Variants in ANO4 observed in about 807,000 individuals in gnomAD.
ANO4 encodes anoctamin 4, also known as anoctamin-4.
Under a neutral mutation model 141.9 loss-of-function variants are expected in ANO4, and 69 were observed. That is an observed-to-expected ratio of 0.49 (90% CI 0.40 to 0.59). The LOEUF (loss-of-function observed/expected upper bound fraction) is 0.59. Among genes scored for constraint, ANO4 ranks in the 20% least tolerant of loss-of-function variants. ANO4 has a pLI of 0.00. For synonymous variants in ANO4, 350 were observed against 394.3 expected (o/e 0.89, Z 1.33); for missense variants, 894 against 1,162.2 (o/e 0.77, Z 3.36).
chr12:101,123,686 T>C (rs956377022), intron 26 of ANO4, among the ~76,000 whole-genome samples: 1 of 152,234 alleles, frequency 6.6e-6, no homozygotes, highest in African/African-American at 2.4e-5. Context: ...TTTCATGGTG[T>C]ATATGTACCA....
chr12:100,935,694 G>A (rs1043805834), intron 3 of ANO4, among the ~76,000 whole-genome samples: 3 of 152,164 alleles, frequency 2.0e-5, no homozygotes, highest in African/African-American at 7.2e-5. Flanking sequence ...GCCATGCCTG[G>A]GCTCTCCAGT....
At chr12:100,726,129 A>T (rs1171440584) in intron 1 of ANO4, among the ~76,000 whole-genome samples, 1 of 152,110 alleles carries the variant, frequency 6.6e-6, no homozygotes, top group Non-Finnish European at 1.5e-5. Context: ...TTGGAGATGG[A>T]CTTCTCCTCA....
chr12:101,124,175 TGG>T (rs2051211464), intron 26 of ANO4, among the ~76,000 whole-genome samples: 1 of 152,222 alleles, frequency 6.6e-6, no homozygotes, highest in South Asian at 2.1e-4. Flanking sequence ...TGGTGTAAGA[TGG>T]TATCTCATTG....
chr12:100,719,035 G>C (rs1243723019), intron 1 of ANO4, among the ~76,000 whole-genome samples: 2 of 152,018 alleles, frequency 1.3e-5, no homozygotes, highest in African/African-American at 4.8e-5. Flanking sequence ...TGAGCACCCA[G>C]GTGGAGAAAA....
At chr12:100,808,740 A>C (rs552663090) in intron 1 of ANO4, among the ~76,000 whole-genome samples, 2 of 152,212 alleles carry the variant, frequency 1.3e-5, no homozygotes, top group Non-Finnish European at 2.9e-5. Context: ...CCTGGGGAAA[A>C]ATATTGAAAC....
intron 25 of ANO4, among the ~76,000 whole-genome samples, chr12:101,118,741 A>G (rs2050956170): frequency 6.6e-6 from 1 of 152,036 alleles, no homozygotes; most frequent in South Asian, 2.1e-4. Context: ...TTTATACTTT[A>G]AGTTCTAGAG....
intron 3 of ANO4, among the ~76,000 whole-genome samples, chr12:100,780,001 A>G (rs1394961404): frequency 1.3e-5 from 2 of 152,112 alleles, no homozygotes; most frequent in Non-Finnish European, 2.9e-5. Flanking sequence ...AAAGCTTTTA[A>G]CTTACAAACT....
chr12:100,722,153 C>G (rs1442349113), intron 1 of ANO4, among the ~76,000 whole-genome samples: 1 of 152,204 alleles, frequency 6.6e-6, no homozygotes, highest in African/African-American at 2.4e-5. Context: ...CCAGTATACT[C>G]TCAATCACCA....
At chr12:100,843,022 A>G (rs868500965) in intron 1 of ANO4, among the ~76,000 whole-genome samples, 2 of 152,176 alleles carry the variant, frequency 1.3e-5, no homozygotes, top group Non-Finnish European at 2.9e-5. Context: ...TCACACCAGC[A>G]TCACCTTCCA....
At chr12:100,735,888 A>G (rs1164757215) in intron 2 of ANO4, among the ~76,000 whole-genome samples, 1 of 152,204 alleles carries the variant, frequency 6.6e-6, no homozygotes, top group Non-Finnish European at 1.5e-5. Context: ...AGATATTGGC[A>G]CTATCTGCAC....
chr12:100,717,593 AG>A, intron 1 of ANO4: 2 of 399,248 alleles, frequency 5.0e-6, no homozygotes, highest in Non-Finnish European at 8.9e-6. Flanking sequence ...GGCGGAAGGG[AG>A]GGGCCCAGGG....
chr12:101,112,077 T>C (rs2137020630), intron 24 of ANO4, among the ~76,000 whole-genome samples: 1 of 152,326 alleles, frequency 6.6e-6, no homozygotes, highest in East Asian at 1.9e-4. Context: ...TATATAGTTA[T>C]ATCATTTTAT....
intron 3 of ANO4, among the ~76,000 whole-genome samples, chr12:100,749,748 A>C (rs2032285684): frequency 6.6e-6 from 1 of 152,252 alleles, no homozygotes; most frequent in Non-Finnish European, 1.5e-5. Context: ...TTCAGCCATA[A>C]AATCAGATGG....
At chr12:100,780,737 C>T (rs1429360449) in intron 3 of ANO4, among the ~76,000 whole-genome samples, 1 of 152,130 alleles carries the variant, frequency 6.6e-6, no homozygotes, top group Non-Finnish European at 1.5e-5. Flanking sequence ...TCTCCTACCT[C>T]ATCCCTATGT....
chr12:100,914,296 A>G (rs2041240792), intron 2 of ANO4, among the ~76,000 whole-genome samples: 1 of 152,232 alleles, frequency 6.6e-6, no homozygotes, highest in African/African-American at 2.4e-5. Context: ...CCTGAGAAAT[A>G]TCTGCCTGCT....
At chr12:100,913,670 C>T (rs1157442740) in intron 2 of ANO4, among the ~76,000 whole-genome samples, 1 of 152,136 alleles carries the variant, frequency 6.6e-6, no homozygotes, top group African/African-American at 2.4e-5. Flanking sequence ...GAAGATAGGG[C>T]GGGATGCTTT....
chr12:100,851,881 T>C (rs1192912323), intron 1 of ANO4, among the ~76,000 whole-genome samples: 1 of 152,104 alleles, frequency 6.6e-6, no homozygotes, highest in African/African-American at 2.4e-5. Context: ...AGTGGGAGTA[T>C]GCTCAGCTCA....
At chr12:100,885,014 C>T (rs1202462837) in intron 1 of ANO4, among the ~76,000 whole-genome samples, 3 of 152,192 alleles carry the variant, frequency 2.0e-5, no homozygotes, top group Non-Finnish European at 2.9e-5. Flanking sequence ...TTTCCAGCTC[C>T]TAGGGCTGCC....
intron 3 of ANO4, among the ~76,000 whole-genome samples, chr12:100,937,397 A>T (rs1038446952): frequency 6.6e-6 from 1 of 152,224 alleles, no homozygotes; most frequent in Non-Finnish European, 1.5e-5. Flanking sequence ...GACAACAATT[A>T]TGGGAGGGAG....
Sources: gnomAD v4.1 joint callset for allele counts (sites outside exome capture counted in the v4.1 genomes callset) on GRCh38, gnomAD v4.1.1 for gene constraint, MANE v1.5 for transcripts, NCBI Gene and HGNC (gene_info 2026-07-23, HGNC 2026-07-21) for gene names.